The following LRRC59 variants were observed in gnomAD, a reference collection of about 807,000 sequenced individuals.
LRRC59 encodes the protein leucine-rich repeat-containing protein 59.
A neutral mutation model predicts 33.5 loss-of-function variants in LRRC59; 18 were observed. That is an observed-to-expected ratio of 0.54 (90% CI 0.37 to 0.80). LRRC59 has a LOEUF of 0.80. Ranked by LOEUF, LRRC59 falls within the 30% of genes least tolerant of loss-of-function variation. The pLI, the probability that LRRC59 is intolerant of heterozygous loss-of-function variation, is 0.00. For missense variants in LRRC59, 330 were observed against 391.9 expected (o/e 0.84, Z 1.33); for synonymous variants, 138 against 160.0 (o/e 0.86, Z 1.04).
At chr17:50,391,407 C>T (rs1173856464) in intron 4 of LRRC59, among the ~76,000 whole-genome samples, 1 of 152,204 alleles carries the variant, frequency 6.6e-6, no homozygotes, top group Non-Finnish European at 1.5e-5. Flanking sequence ...ATCATTCACC[C>T]ATGAATTCTA....
intron 1 of LRRC59, 129 bp downstream of exon 1, chr17:50,397,084 G>T: frequency 1.5e-6 from 1 of 679,136 alleles, no homozygotes; most frequent in Non-Finnish European, 2.3e-6. Context: ...AGGGGACTTA[G>T]TCCCACCACC....
At chr17:50,395,430 T>C (rs1914249851) in intron 1 of LRRC59, among the ~76,000 whole-genome samples, 2 of 151,738 alleles carry the variant, frequency 1.3e-5, no homozygotes, top group African/African-American at 4.8e-5. Flanking sequence ...ACATTATTCC[T>C]AGCACTTTAA....
chr17:50,390,521 A>G (rs1211753068), intron 4 of LRRC59, among the ~76,000 whole-genome samples: 1 of 152,128 alleles, frequency 6.6e-6, no homozygotes, highest in African/African-American at 2.4e-5. Context: ...ATCTGAAAAC[A>G]CAGGCAATGC....
intron 1 of LRRC59, 89 bp downstream of exon 1, chr17:50,397,124 T>C: frequency 1.0e-6 from 1 of 986,164 alleles, no homozygotes; most frequent in South Asian, 1.8e-5. Context: ...AGGAAACTGA[T>C]GCTTTTAGAG....
chr17:50,392,364 A>G (rs751931093), intron 4 of LRRC59, 34 bp downstream of exon 4: 7 of 1,555,986 alleles, frequency 4.5e-6, no homozygotes, highest in Non-Finnish European at 6.2e-6. Flanking sequence ...CAGGGAGTGT[A>G]TAAGGAGCCA....
intron 6 of LRRC59, among the ~76,000 whole-genome samples, chr17:50,384,257 C>T (rs540203991): frequency 1.3e-5 from 2 of 152,140 alleles, no homozygotes; most frequent in South Asian, 4.2e-4. Flanking sequence ...CCAGGCTGGT[C>T]GTAAATGATC....
intron 6 of LRRC59, among the ~76,000 whole-genome samples, chr17:50,383,710 G>A (rs1913929939): frequency 6.6e-6 from 1 of 152,090 alleles, no homozygotes; most frequent in Admixed American, 6.5e-5. Flanking sequence ...GGGGAGTACA[G>A]GTGGTTGCCA....
chr17:50,390,546 T>C lies in LRRC59; in HGVS notation c.429+1852A>G, dbSNP rs117209275. The stretch of plus-strand genomic sequence containing the variant: ...ACAGGCAATGCAGAAATGGGACAGA[T>C]TGTCATAGTCTGGAGTCTGTGAGCT... On this transcript the variant is annotated intron_variant, in intron 4 of 6. Coordinates refer to ENST00000225972, the MANE Select transcript of LRRC59 (RefSeq NM_018509.4). Among the ~76,000 whole-genome samples the C allele has an allele frequency of 9.6e-3, 1,458 of 152,226 alleles. 10 individuals carry two copies. Among genetic ancestry groups the C allele is most frequent in the Non-Finnish European group, 0.011 (767 of 68,010 alleles).
Position 50,382,228 on chromosome 17 carries a change from A to G in LRRC59, c.*760T>C, listed in dbSNP as rs1220446511. 6.6e-6 allele frequency: 1 copy of G among 152,282 alleles called. No individual in the cohort carries two copies. Among genetic ancestry groups the G allele is most frequent in the Admixed American group, 6.5e-5 (1 of 15,286 alleles). 9.4% of individuals were successfully genotyped at this position (152,282 alleles called of 1,614,324 possible). A position where few individuals can be genotyped will look rare whatever the true frequency, so the allele number is the denominator to read the frequency against. Reference sequence around the variant, plus strand: ...TGAGTCGTGAAATCTGTCTACCATGAAAGAGTCTATGCTTCACCTGAGGAA... The same window carrying G: ...TGAGTCGTGAAATCTGTCTACCATGGAAGAGTCTATGCTTCACCTGAGGAA... On this transcript the variant is annotated 3_prime_UTR_variant, in exon 7 of 7. Coordinates refer to ENST00000225972, the MANE Select transcript of LRRC59 (RefSeq NM_018509.4).
intron 5 of LRRC59, chr17:50,386,308 GA>G (rs1914001893): frequency 6.6e-6 from 1 of 152,106 alleles, no homozygotes; most frequent in Non-Finnish European, 1.5e-5. Context: ...CTGAACACAG[GA>G]ACACATTCAG....
chr17:50,386,485 G>C (rs963336851), intron 5 of LRRC59, among the ~76,000 whole-genome samples: 1 of 152,194 alleles, frequency 6.6e-6, no homozygotes, highest in East Asian at 1.9e-4. Flanking sequence ...GGGCTTAAAA[G>C]GCTATGTTAG....
At chr17:50,394,792 A>G (rs766350028) in intron 2 of LRRC59, 137 bp downstream of exon 2, 1 of 609,904 alleles carries the variant, frequency 1.6e-6, no homozygotes, top group Middle Eastern at 4.5e-4. Flanking sequence ...ACACACTCAG[A>G]TTTAGCTATA....
At chr17:50,388,480 G>A (rs1320225914) in intron 4 of LRRC59, among the ~76,000 whole-genome samples, 1 of 152,198 alleles carries the variant, frequency 6.6e-6, no homozygotes, top group Non-Finnish European at 1.5e-5. Flanking sequence ...GGTCAAGGCT[G>A]CAGTGAGCTG....
chr17:50,386,620 G>A (rs1275581542), intron 5 of LRRC59, among the ~76,000 whole-genome samples: 1 of 152,192 alleles, frequency 6.6e-6, no homozygotes, highest in East Asian at 1.9e-4. Flanking sequence ...CCAGCCTCTA[G>A]GGAACATGGG....
In LRRC59 at chr17:50,392,478, C is replaced by G; in HGVS notation, c.349G>C (p.Asp117His). The G allele has an allele frequency of 6.2e-7, 1 of 1,614,116 alleles. No homozygotes were observed. Among genetic ancestry groups the G allele is most frequent in the Non-Finnish European group, 8.5e-7 (1 of 1,179,994 alleles). ...GCCAGGACAGGATCCAGGGGGTTAT[C>G]CTTCAGGTCCAACCACTTCAGGTTC... ...LKNLKWLDLK[D>H]NPLDPVLAKV... The change falls in exon 4 of 7, where the codon GAT becomes CAT. Residue 117 changes from aspartate to histidine, a missense_variant. Transcript: ENST00000225972.
chr17:50,392,025 AC>A (rs1044107001), intron 4 of LRRC59, among the ~76,000 whole-genome samples: 16 of 152,106 alleles, frequency 1.1e-4, no homozygotes, highest in African/African-American at 3.6e-4. Context: ...GTGGCGAAAC[AC>A]CATCTCCACT....
intron 4 of LRRC59, 53 bp from the exon 5 acceptor site, chr17:50,388,185 G>A: frequency 6.5e-7 from 1 of 1,541,724 alleles, no homozygotes; most frequent in Admixed American, 1.7e-5. Context: ...TTTGCTCAGG[G>A]AAGTCTCAAA....
chr17:50,393,776 G>A (rs1475841004), intron 2 of LRRC59, among the ~76,000 whole-genome samples: 1 of 152,248 alleles, frequency 6.6e-6, no homozygotes, highest in Non-Finnish European at 1.5e-5. Context: ...AACAAGCTCA[G>A]ATCGAAAAGT....
chr17:50,395,769 C>G (rs531032984), intron 1 of LRRC59, among the ~76,000 whole-genome samples: 4 of 152,166 alleles, frequency 2.6e-5, no homozygotes, highest in African/African-American at 9.6e-5. Flanking sequence ...GAAAATTAGC[C>G]AGGCATGGTG....
Sources: allele counts gnomAD v4.1 joint callset (sites outside exome capture counted in the v4.1 genomes callset), GRCh38; gene constraint gnomAD v4.1.1; transcripts MANE v1.5; gene names NCBI Gene and HGNC (gene_info 2026-07-23, HGNC 2026-07-21).